Variants in SIN3A observed in about 807,000 individuals in gnomAD.
SIN3A encodes SIN3 transcription regulator family member A.
Under a neutral mutation model 146.1 loss-of-function variants are expected in SIN3A, and 14 were observed. The observed-to-expected ratio is 0.10, with a 90% CI of 0.06 to 0.15. SIN3A has a LOEUF of 0.15. Ranked by LOEUF, SIN3A falls within the 10% of genes least tolerant of loss-of-function variation. SIN3A has a pLI of 1.00. For missense variants in SIN3A, 1,028 were observed against 1,576.0 expected (o/e 0.65, Z 5.89); for synonymous variants, 572 against 572.0 (o/e 1.00, Z 0.00).
At chr15:75,418,615 C>T (rs997211831) in intron 3 of SIN3A, among the ~76,000 whole-genome samples, 8 of 152,150 alleles carry the variant, frequency 5.3e-5, no homozygotes, top group African/African-American at 9.7e-5. Flanking sequence ...CCACCGCACC[C>T]GGCCAGCACC....
intron 19 of SIN3A, among the ~76,000 whole-genome samples, chr15:75,376,829 T>C (rs929343685): frequency 1.6e-4 from 22 of 138,604 alleles, no homozygotes; most frequent in African/African-American, 5.7e-4. Context: ...CACTGTACTA[T>C]AGCCTGGGAC....
chr15:75,371,627 T>C lies in SIN3A; in HGVS notation c.*352A>G, dbSNP rs1301720750. ...CCATCCAGTCAAAGTGTGAACAGCA[T>C]CCGGTTCCCTCATTGAAAGTTAGGC... On this transcript the variant is annotated 3_prime_UTR_variant, in exon 21 of 21. Transcript: ENST00000394947. 4.2e-6 allele frequency: 1 copy of C among 236,618 alleles called. No individual in the cohort carries two copies. Among genetic ancestry groups the C allele is most frequent in the Non-Finnish European group, 8.2e-6 (1 of 122,358 alleles). The allele number at this position is 236,618 out of a possible 1,614,324, so 14.7% of individuals were successfully genotyped here.
intron 1 of SIN3A, among the ~76,000 whole-genome samples, chr15:75,431,596 C>T (rs1274666920): frequency 1.3e-5 from 2 of 151,792 alleles, no homozygotes; most frequent in African/African-American, 2.4e-5. Context: ...ATAAAATTTA[C>T]AGTAATAGTG....
intron 20 of SIN3A, among the ~76,000 whole-genome samples, chr15:75,373,592 T>C (rs908889176): frequency 6.6e-6 from 1 of 152,052 alleles, no homozygotes; most frequent in African/African-American, 2.4e-5. Context: ...CATTTTCTTT[T>C]CTCTAACTTA....
intron 2 of SIN3A, among the ~76,000 whole-genome samples, chr15:75,425,395 T>C (rs1365650370): frequency 6.6e-6 from 1 of 152,204 alleles, no homozygotes; most frequent in Non-Finnish European, 1.5e-5. Context: ...GTCGAACTCC[T>C]GACCTCAAAT....
rs1288221827 is a variant in SIN3A, at chr15:75,394,628, G to C, written c.2277+52C>G. ...AAGGTAATTTCCAGAAATCAAAGCT[G>C]TGCTAAATATAGACTAGAGTCCTCT... is the stretch of plus-strand genomic sequence containing the variant. On this transcript the variant is annotated intron_variant, in intron 14 of 20. Coordinates refer to ENST00000394947, the MANE Select transcript of SIN3A (RefSeq NM_001145358.2). 6 of 1,435,558 alleles carry C rather than the reference G, an allele frequency of 4.2e-6. No individual in the cohort carries two copies. In the Admixed American group the frequency reaches 1.3e-4, roughly 31 times the overall value. 88.9% of individuals were successfully genotyped at this position (1,435,558 alleles called of 1,614,324 possible). A position where few individuals can be genotyped will look rare whatever the true frequency, so the allele number is the denominator to read the frequency against.
At chr15:75,390,297 T>G in intron 15 of SIN3A, among the ~76,000 whole-genome samples, 1 of 152,214 alleles carries the variant, frequency 6.6e-6, no homozygotes, top group East Asian at 1.9e-4. Flanking sequence ...GGAAACCTCT[T>G]GGGAACACAA....
intron 20 of SIN3A, among the ~76,000 whole-genome samples, chr15:75,373,834 G>C (rs1274114114): frequency 6.6e-6 from 1 of 151,926 alleles, no homozygotes; most frequent in African/African-American, 2.4e-5. Context: ...TTATCAGTAA[G>C]CCTTCCAGTC....
chr15:75,440,107 C>T (rs187547447), intron 1 of SIN3A, among the ~76,000 whole-genome samples: 643 of 151,530 alleles, frequency 4.2e-3, no homozygotes, highest in Admixed American at 9.1e-3. Flanking sequence ...GCCAAGATCA[C>T]GCCAATGCAC....
At position 75,412,973 on chromosome 15, in the gene SIN3A, G is replaced by A. The variant is rs1283943319; in HGVS notation, c.546C>T (p.Phe182=). The A allele has an allele frequency of 1.9e-6, 3 of 1,614,000 alleles. No homozygotes were observed. Among genetic ancestry groups the A allele is most frequent in the East Asian group, 4.5e-5 (2 of 44,894 alleles). The change falls in exon 5 of 21, where the codon TTC becomes TTT. Residue 182 remains phenylalanine (F), a synonymous_variant. Transcript: ENST00000394947. Reference sequence around the variant, plus strand: ...TGTAGCCAGGGGGCAAGAAGGTGTTGAATCCCATTATCAGATCGGGGTGGC... The same window carrying A: ...TGTAGCCAGGGGGCAAGAAGGTGTTAAATCCCATTATCAGATCGGGGTGGC... The part of the protein sequence containing the change: ...FKGHPDLIMG[F]NTFLPPGYKI...
chr15:75,454,741 G>A (rs2074464251), upstream of SIN3A, among the ~76,000 whole-genome samples: 1 of 152,006 alleles, frequency 6.6e-6, no homozygotes, highest in African/African-American at 2.4e-5. Flanking sequence ...TCGCGGGAAG[G>A]GGGAGCCCGG....
Position 75,402,677 on chromosome 15 carries a change from C to T in SIN3A, c.1408-707G>A, listed in dbSNP as rs117781551. The stretch of plus-strand genomic sequence containing the variant: ...TTAAACGCAGTCCAGCACTGTTGCC[C>T]AGGCTGAAGTGCAGTGGTGCGATCT... On this transcript the variant is annotated intron_variant, in intron 9 of 20. Coordinates refer to ENST00000394947, the MANE Select transcript of SIN3A (RefSeq NM_001145358.2). Among the ~76,000 whole-genome samples, 268 of 152,224 alleles carry T rather than the reference C, an allele frequency of 1.8e-3. 2 individuals carry two copies. In the East Asian group the frequency reaches 0.026, roughly 15 times the overall value.
intron 3 of SIN3A, chr15:75,422,105 G>C: frequency 6.1e-6 from 1 of 163,456 alleles, no homozygotes. Context: ...CATGAGCTGG[G>C]CATAGTGGCT....
intron 16 of SIN3A, among the ~76,000 whole-genome samples, chr15:75,389,259 A>G (rs984808313): frequency 6.6e-6 from 1 of 151,914 alleles, no homozygotes; most frequent in Non-Finnish European, 1.5e-5. Flanking sequence ...CCAGAAGTTC[A>G]AGACCAGCCT....
intron 5 of SIN3A, among the ~76,000 whole-genome samples, chr15:75,412,149 A>G (rs1369179030): frequency 6.6e-6 from 1 of 152,200 alleles, no homozygotes; most frequent in Non-Finnish European, 1.5e-5. Context: ...TGTCCTGTAG[A>G]ACTGAGATGA....
intron 16 of SIN3A, 23 bp downstream of exon 16, chr15:75,389,629 C>G: frequency 6.2e-7 from 1 of 1,613,130 alleles, no homozygotes; most frequent in Non-Finnish European, 8.5e-7. Flanking sequence ...CCTTACTCAC[C>G]CTAGCCTCCT....
chr15:75,446,665 A>AT (rs900132854), intron 1 of SIN3A, among the ~76,000 whole-genome samples: 3 of 151,426 alleles, frequency 2.0e-5, no homozygotes, highest in Non-Finnish European at 4.4e-5. Flanking sequence ...CTAATTTTTA[A>AT]TTTTTTTATA....
chr15:75,455,480 C>G (rs894237986), upstream of SIN3A, among the ~76,000 whole-genome samples: 1 of 152,220 alleles, frequency 6.6e-6, no homozygotes, highest in African/African-American at 2.4e-5. Flanking sequence ...CCGAAACCGA[C>G]TGCTCGGTGA....
At chr15:75,414,847 G>A (rs1392232724) in intron 3 of SIN3A, among the ~76,000 whole-genome samples, 1 of 152,184 alleles carries the variant, frequency 6.6e-6, no homozygotes, top group Non-Finnish European at 1.5e-5. Flanking sequence ...TAGCAAAAGT[G>A]AAGACCAGTG....
Sources: allele counts gnomAD v4.1 joint callset (sites outside exome capture counted in the v4.1 genomes callset), GRCh38; gene constraint gnomAD v4.1.1; transcripts MANE v1.5; gene names NCBI Gene and HGNC (gene_info 2026-07-23, HGNC 2026-07-21).